The following FAM13B variants were observed in gnomAD, a reference collection of about 807,000 sequenced individuals.
FAM13B encodes the protein protein FAM13B.
Under a neutral mutation model 117.3 loss-of-function variants are expected in FAM13B, and 60 were observed. The ratio of observed to expected loss-of-function variants is 0.51; its 90% confidence interval spans 0.42 to 0.63. FAM13B has a LOEUF of 0.63. FAM13B is among the 30% of genes least tolerant of loss of function. The pLI, the probability that FAM13B is intolerant of heterozygous loss-of-function variation, is 0.00. For synonymous variants in FAM13B, 332 were observed against 356.1 expected (o/e 0.93, Z 0.76); for missense variants, 972 against 1,091.9 (o/e 0.89, Z 1.55).
At chr5:138,016,578 G>T (rs1264964847) in intron 4 of FAM13B, among the ~76,000 whole-genome samples, 4 of 152,108 alleles carry the variant, frequency 2.6e-5, no homozygotes, top group Non-Finnish European at 5.9e-5. Flanking sequence ...AGACTGTAGT[G>T]AACTAGGATC....
intron 1 of FAM13B, among the ~76,000 whole-genome samples, chr5:138,040,824 G>A (rs562663863): frequency 1.3e-5 from 2 of 152,288 alleles, no homozygotes; most frequent in East Asian, 1.9e-4. Flanking sequence ...AGCACTCTGG[G>A]AGGCCAACAT....
At chr5:138,002,832 ATTTT>A (rs377234068) in intron 7 of FAM13B, among the ~76,000 whole-genome samples, 1 of 138,964 alleles carries the variant, frequency 7.2e-6, no homozygotes. Context: ...CACCCGGCTA[ATTTT>A]TTTTTTTTTT....
At chr5:138,012,072 T>A (rs1784160086) in intron 4 of FAM13B, 127 bp from the exon 5 acceptor site, 1 of 611,920 alleles carries the variant, frequency 1.6e-6, no homozygotes, top group Non-Finnish European at 2.7e-6. Flanking sequence ...CTTCACTTCC[T>A]CTACTGGGGC....
At chr5:138,018,554 T>C in intron 3 of FAM13B, 40 bp from the exon 4 acceptor site, 1 of 1,542,410 alleles carries the variant, frequency 6.5e-7, no homozygotes, top group South Asian at 1.1e-5. Flanking sequence ...AGCTGCAATG[T>C]CAACTGCTTG....
chr5:138,051,167 A>C (rs964154636), intron 1 of FAM13B, among the ~76,000 whole-genome samples: 2 of 152,196 alleles, frequency 1.3e-5, no homozygotes, highest in African/African-American at 2.4e-5. Context: ...TTTTCTTAAC[A>C]TAAATAGGAT....
At chr5:138,015,501 G>A (rs554747823) in intron 4 of FAM13B, among the ~76,000 whole-genome samples, 16 of 152,248 alleles carry the variant, frequency 1.1e-4, no homozygotes, top group African/African-American at 3.9e-4. Flanking sequence ...TCAGGAGTTC[G>A]AGATCAGCCT....
intron 7 of FAM13B, 133 bp downstream of exon 7, chr5:138,006,857 A>T: frequency 1.2e-6 from 1 of 814,744 alleles, no homozygotes; most frequent in Non-Finnish European, 1.8e-6. Context: ...TTTAAATTTT[A>T]CTTCTTGCTC....
intron 1 of FAM13B, among the ~76,000 whole-genome samples, chr5:138,051,537 C>T (rs755340583): frequency 2.6e-5 from 4 of 152,212 alleles, no homozygotes; most frequent in African/African-American, 4.8e-5. Flanking sequence ...ATCACAAGTG[C>T]GGTTGAGTGT....
At chr5:138,042,565 A>G (rs1791527859) in intron 1 of FAM13B, among the ~76,000 whole-genome samples, 1 of 152,150 alleles carries the variant, frequency 6.6e-6, no homozygotes, top group Non-Finnish European at 1.5e-5. Context: ...GAAATTAAAT[A>G]TAACAGTGTT....
At chr5:137,946,144 G>T in intron 19 of FAM13B, 84 bp downstream of exon 19, 2 of 1,321,638 alleles carry the variant, frequency 1.5e-6, no homozygotes, top group South Asian at 1.3e-5. Context: ...TCAAAAAACA[G>T]CCCTGAAGAA....
In FAM13B at chr5:137,954,536, GTGTATA is replaced by G. The variant is rs1561743752; in HGVS notation, c.1508-166_1508-161del. The G allele has an allele frequency of 3.9e-3, 1,378 of 351,262 alleles. 14 individuals are homozygous for G. Among genetic ancestry groups the G allele is most frequent in the Middle Eastern group, 8.1e-3 (10 of 1,242 alleles). 21.8% of individuals were successfully genotyped at this position (351,262 alleles called of 1,614,324 possible). ...CACACACACACACATACATGTGTGTGTGTATATATATATATATATAATCTTCATAAA... is the reference window on the plus strand; with the variant it reads ...CACACACACACACATACATGTGTGTGTATATATATATATAATCTTCATAAA... On this transcript the variant is annotated intron_variant, in intron 14 of 23. Coordinates refer to ENST00000689681, the MANE Select transcript of FAM13B (RefSeq NM_001385994.1).
chr5:137,975,731 AAT>A (rs1773716801), intron 10 of FAM13B, among the ~76,000 whole-genome samples: 1 of 152,132 alleles, frequency 6.6e-6, no homozygotes, highest in South Asian at 2.1e-4. Flanking sequence ...CCTATTTAGG[AAT>A]AGTCACTCAA....
intron 10 of FAM13B, among the ~76,000 whole-genome samples, chr5:137,962,982 C>A (rs765679955): frequency 2.6e-5 from 4 of 152,110 alleles, no homozygotes; most frequent in Admixed American, 6.5e-5. Flanking sequence ...CTATTCCCCC[C>A]CAAACTAAAA....
intron 17 of FAM13B, among the ~76,000 whole-genome samples, chr5:137,950,201 G>GCTATGA (rs1486783692): frequency 2.6e-5 from 4 of 152,178 alleles, no homozygotes; most frequent in African/African-American, 9.7e-5. Flanking sequence ...ACAGGGTAGA[G>GCTATGA]TCACAGCGCT....
chr5:137,950,534 CTATT>C (rs1043251372), intron 17 of FAM13B, among the ~76,000 whole-genome samples: 26 of 152,206 alleles, frequency 1.7e-4, no homozygotes, highest in African/African-American at 6.3e-4. Context: ...AGTAGTAAGA[CTATT>C]TATTTTTCTT....
At chr5:137,987,198 T>C (rs551329131) in intron 9 of FAM13B, among the ~76,000 whole-genome samples, 3 of 152,304 alleles carry the variant, frequency 2.0e-5, no homozygotes, top group African/African-American at 7.2e-5. Flanking sequence ...AGCTTGTTAC[T>C]TCATTCGATG....
At chr5:137,986,444 TTGATATA>T in intron 9 of FAM13B, among the ~76,000 whole-genome samples, 1 of 135,662 alleles carries the variant, frequency 7.4e-6, no homozygotes. Flanking sequence ...CCAAAAAAAA[TTGATATA>T]TGAAAAACAT....
At chr5:138,035,812 AGTTGTTAACTTTGTATGATGGTTT>A (rs1791101495), upstream of FAM13B, among the ~76,000 whole-genome samples, 1 of 152,212 alleles carries the variant, frequency 6.6e-6, no homozygotes, top group Non-Finnish European at 1.5e-5. Flanking sequence ...GGAGCAGGAA[AGTTGTTAACTTTGTATGATGGTTT>A]GACATTCCCT....
chr5:138,006,320 G>A (rs1253810249), intron 7 of FAM13B, among the ~76,000 whole-genome samples: 1 of 152,222 alleles, frequency 6.6e-6, no homozygotes, highest in African/African-American at 2.4e-5. Flanking sequence ...GAGCTTTACG[G>A]AGAACGAGCA....
Sources: allele counts gnomAD v4.1 joint callset (sites outside exome capture counted in the v4.1 genomes callset), GRCh38; gene constraint gnomAD v4.1.1; transcripts MANE v1.5; gene names NCBI Gene and HGNC (gene_info 2026-07-23, HGNC 2026-07-21).